LUC7L2: variants seen among roughly 807,000 people sequenced by gnomAD.
LUC7L2 encodes the protein putative RNA-binding protein Luc7-like 2.
LUC7L2 carries 25 observed loss-of-function variants against 52.8 expected under a neutral mutation model. That is an observed-to-expected ratio of 0.47 (90% CI 0.34 to 0.66). The LOEUF is 0.66. LUC7L2 is among the 30% of genes least tolerant of loss of function. The pLI, the probability that LUC7L2 is intolerant of heterozygous loss-of-function variation, is 0.01. For synonymous variants in LUC7L2, 144 were observed against 160.9 expected (o/e 0.89, Z 0.80); for missense variants, 328 against 497.8 (o/e 0.66, Z 3.25).
At chr7:139,392,330 C>G (rs1165655147) in intron 2 of LUC7L2, 1 of 244,884 alleles carries the variant, frequency 4.1e-6, no homozygotes, top group African/African-American at 2.3e-5. Context: ...GACCATTTTT[C>G]TAATGAAGCT....
chr7:139,387,767 T>C (rs1196630528), intron 2 of LUC7L2, among the ~76,000 whole-genome samples: 2 of 152,128 alleles, frequency 1.3e-5, no homozygotes, highest in African/African-American at 4.8e-5. Flanking sequence ...TTCCTTTTTT[T>C]TGGAGACAGA....
intron 1 of LUC7L2, among the ~76,000 whole-genome samples, chr7:139,347,587 CAAAAA>C (rs890685958): frequency 2.8e-5 from 3 of 106,240 alleles, no homozygotes; most frequent in African/African-American, 7.4e-5. Flanking sequence ...AACTCCGTCT[CAAAAA>C]AAAAAAAGGC....
intron 8 of LUC7L2, among the ~76,000 whole-genome samples, chr7:139,413,903 T>C (rs1795478735): frequency 6.6e-6 from 1 of 152,216 alleles, no homozygotes. Flanking sequence ...ATTTATATTA[T>C]TGGTGAATTT....
At chr7:139,397,039 T>G (rs1296113609) in intron 2 of LUC7L2, among the ~76,000 whole-genome samples, 1 of 152,186 alleles carries the variant, frequency 6.6e-6, no homozygotes, top group East Asian at 1.9e-4. Context: ...TTATACATAT[T>G]TAGGTTGTTG....
intron 6 of LUC7L2, among the ~76,000 whole-genome samples, chr7:139,408,060 G>T (rs1329748645): frequency 6.6e-6 from 1 of 152,184 alleles, no homozygotes; most frequent in Non-Finnish European, 1.5e-5. Flanking sequence ...CTGGCTGACA[G>T]ATAGGAAACA....
chr7:139,399,366 A>G (rs1340949184), intron 3 of LUC7L2, among the ~76,000 whole-genome samples: 1 of 148,326 alleles, frequency 6.7e-6, no homozygotes, highest in East Asian at 2.0e-4. Flanking sequence ...TTAAACGTGC[A>G]TTCATGGATT....
intron 1 of LUC7L2, among the ~76,000 whole-genome samples, chr7:139,341,922 A>C (rs571489281): frequency 6.6e-6 from 1 of 152,324 alleles, no homozygotes; most frequent in African/African-American, 2.4e-5. Flanking sequence ...CATCTGGCCA[A>C]CAATTTCCTC....
intron 2 of LUC7L2, among the ~76,000 whole-genome samples, chr7:139,395,495 C>G (rs1794620537): frequency 6.6e-6 from 1 of 152,108 alleles, no homozygotes; most frequent in African/African-American, 2.4e-5. Flanking sequence ...TACTTTAATA[C>G]CATTAAGCAT....
intron 1 of LUC7L2, among the ~76,000 whole-genome samples, chr7:139,354,125 T>C (rs1799540505): frequency 6.9e-6 from 1 of 145,748 alleles, no homozygotes; most frequent in Admixed American, 6.8e-5. Context: ...AAAAAAAAAA[T>C]TGAAAAAATT....
intron 1 of LUC7L2, among the ~76,000 whole-genome samples, chr7:139,349,254 C>G (rs1485980785): frequency 1.3e-5 from 2 of 152,184 alleles, no homozygotes; most frequent in Non-Finnish European, 2.9e-5. Flanking sequence ...TATCTTTTTA[C>G]TTTATTCTCA....
In LUC7L2 at chr7:139,422,554, T is replaced by C; in HGVS notation, c.*214T>C. On this transcript the variant is annotated 3_prime_UTR_variant, in exon 10 of 10. Transcript: ENST00000354926. ...TTCTGGTGAACCTGTAATACAGTTC[T>C]GAAAGTACAGTTTTATATAATAAGA... The C allele has an allele frequency of 1.0e-6, 1 of 994,472 alleles. No individual in the cohort carries two copies. The highest frequency in any genetic ancestry group is 1.3e-6 in the Non-Finnish European group (1 of 759,840). The allele number at this position is 994,472 out of a possible 1,614,324, so 61.6% of individuals were successfully genotyped here.
intron 2 of LUC7L2, among the ~76,000 whole-genome samples, chr7:139,380,370 G>T (rs1359739907): frequency 6.6e-6 from 1 of 151,994 alleles, no homozygotes; most frequent in Admixed American, 6.6e-5. Context: ...GAGGGGGGAT[G>T]GGGGATCATC....
chr7:139,363,210 A>C (rs1799973272), intron 1 of LUC7L2: 1 of 985,310 alleles, frequency 1.0e-6, no homozygotes, highest in Non-Finnish European at 1.2e-6. Flanking sequence ...TGTGCCACTG[A>C]AAATCGTGCC....
At chr7:139,398,127 G>A (rs886469413) in intron 2 of LUC7L2, among the ~76,000 whole-genome samples, 9 of 152,174 alleles carry the variant, frequency 5.9e-5, no homozygotes, top group African/African-American at 2.2e-4. Context: ...CCAAAGTGCT[G>A]GGATTACAGG....
In LUC7L2 at chr7:139,422,207, A is replaced by G. The variant is rs200420445; in HGVS notation, c.1046A>G (p.Asp349Gly). The G allele has an allele frequency of 8.1e-6, 13 of 1,614,004 alleles. No individual in the cohort carries two copies. In the African/African-American group the frequency reaches 1.5e-4, roughly 18 times the overall value. ...RFRDQDLASCDRDRSSRDRSP... is the reference protein window; with the variant it reads ...RFRDQDLASCGRDRSSRDRSP... ...AGAGACCAAGACTTAGCATCATGTGACAGAGACAGGAGTTCAAGAGACAGA... is the reference window on the plus strand; with the variant it reads ...AGAGACCAAGACTTAGCATCATGTGGCAGAGACAGGAGTTCAAGAGACAGA... Residue 349 changes from aspartate to glycine, a missense_variant, in exon 10 of 10, where the codon GAC becomes GGC. Physicochemically the swap from Asp to Gly is moderately conservative, Grantham distance 94 (BLOSUM62 -1). Around this residue, in one of 2 missense-constraint regions of LUC7L2, gnomAD observed 195 missense variants for 223.3 expected, o/e 0.87. Coordinates refer to ENST00000354926, the MANE Select transcript of LUC7L2 (RefSeq NM_016019.5).
chr7:139,395,473 G>A (rs1421313871), intron 2 of LUC7L2, among the ~76,000 whole-genome samples: 1 of 152,128 alleles, frequency 6.6e-6, no homozygotes, highest in Non-Finnish European at 1.5e-5. Context: ...AGCATGCTCA[G>A]TAACAGTACA....
At chr7:139,405,528 T>C in intron 4 of LUC7L2, 116 bp from the exon 5 acceptor site, 1 of 1,310,496 alleles carries the variant, frequency 7.6e-7, no homozygotes, top group Non-Finnish European at 1.0e-6. Flanking sequence ...CAGAAAGCAT[T>C]CTTTAACCAC....
At chr7:139,360,761 C>T (rs962883767) in intron 1 of LUC7L2, among the ~76,000 whole-genome samples, 1 of 152,118 alleles carries the variant, frequency 6.6e-6, no homozygotes, top group African/African-American at 2.4e-5. Flanking sequence ...GAGAAGCTTC[C>T]CCCTCCTCTT....
At chr7:139,400,479 C>A (rs1455219934) in intron 3 of LUC7L2, among the ~76,000 whole-genome samples, 1 of 152,174 alleles carries the variant, frequency 6.6e-6, no homozygotes, top group Non-Finnish European at 1.5e-5. Flanking sequence ...TGTGCTCCAG[C>A]TTGGGGGACA....
Sources: gnomAD v4.1 joint callset for allele counts (sites outside exome capture counted in the v4.1 genomes callset) on GRCh38, gnomAD v4.1.1 for gene constraint, gnomAD v4.1.1 regional missense constraint, MANE v1.5 for transcripts, NCBI Gene and HGNC (gene_info 2026-07-23, HGNC 2026-07-21) for gene names.